CCND1: variants seen among roughly 807,000 people sequenced by gnomAD.
The protein encoded by CCND1 is cyclin D1, also known as G1/S-specific cyclin-D1.
A neutral mutation model predicts 26.1 loss-of-function variants in CCND1; 9 were observed. The observed-to-expected ratio is 0.35, with a 90% confidence interval of 0.21 to 0.60. CCND1 has a LOEUF of 0.60. Among genes scored for constraint, CCND1 ranks in the 20% least tolerant of loss-of-function variants. CCND1 has a pLI of 0.79. For missense variants in CCND1, 335 were observed against 392.9 expected, an observed-to-expected ratio of 0.85 and a Z score of 1.25; for synonymous variants, 194 against 166.1, an observed-to-expected ratio of 1.17 and a Z score of -1.29.
At chr11:69,643,757 C>T (rs1226199263) in intron 2 of CCND1, 75 bp from the exon 3 acceptor site, 2 of 1,459,350 alleles carry the variant, frequency 1.4e-6, no homozygotes, top group Middle Eastern at 2.1e-4. Flanking sequence ...TGGCCCGGCC[C>T]CCGTGCTGCC....
intron 4 of CCND1, among the ~76,000 whole-genome samples, chr11:69,650,788 G>A (rs984790000): frequency 3.2e-4 from 49 of 152,184 alleles, no homozygotes; most frequent in African/African-American, 1.2e-3. Flanking sequence ...CCAGGGAGCT[G>A]GCACGGCCAG....
chr11:69,648,602 A>C (rs953183285), intron 4 of CCND1, among the ~76,000 whole-genome samples: 5 of 152,260 alleles, frequency 3.3e-5, no homozygotes, highest in Non-Finnish European at 7.3e-5. Context: ...GGCCTCTTTG[A>C]GAGGCTGCTG....
In CCND1 at chr11:69,651,136, C is replaced by T. The variant is rs2120119626; in HGVS notation, c.742C>T (p.Gln248Ter). The T allele has an allele frequency of 1.2e-6, 2 of 1,613,330 alleles. No individual in the cohort carries two copies. Among genetic ancestry groups the T allele is most frequent in the Non-Finnish European group, 1.7e-6 (2 of 1,179,610 alleles). Reference sequence around the variant, plus strand: ...CTCTCAGGACTGCCTCCGGGCCTGCCAGGAGCAGATCGAAGCCCTGCTGGA... The same window carrying T: ...CTCTCAGGACTGCCTCCGGGCCTGCTAGGAGCAGATCGAAGCCCTGCTGGA... Reference protein sequence around the residue: ...KCDPDCLRACQEQIEALLESS... With the variant: ...KCDPDCLRAC The change falls in exon 5 of 5, where the codon CAG becomes TAG. Residue 248 changes from glutamine to a stop codon, truncating the protein, a stop_gained. Transcript: ENST00000227507. LOFTEE classifies it high-confidence loss of function.
In CCND1 at chr11:69,648,046, G is replaced by A. The variant is rs2120108983; in HGVS notation, c.627G>A (p.Val209=). 6.2e-7 allele frequency: 1 copy of A among 1,613,960 alleles called. No homozygotes were observed. Among genetic ancestry groups the A allele is most frequent in the East Asian group, 2.2e-5 (1 of 44,876 alleles). ...CCATGGTGGCAGCGGGGAGCGTGGT[G>A]GCCGCAGTGCAAGGCCTGAACCTGA... ...PPSMVAAGSV[V]AAVQGLNLRS... Residue 209 remains valine, a synonymous_variant, in exon 4 of 5, where the codon GTG becomes GTA. Transcript: ENST00000227507.
Position 69,648,133 on chromosome 11 carries a change from G to A in CCND1, c.714G>A (p.Lys238=), listed in dbSNP as rs760907398. The change falls in exon 4 of 5, where the codon AAG becomes AAA. Residue 238 remains lysine, a synonymous_variant. Transcript: ENST00000227507. ...CACGCTTCCTCTCCAGAGTGATCAA[G>A]TGTGACCCGGTAAGTGAGGGTGATG... ...RLTRFLSRVI[K]CDPDCLRACQ... 34 of 1,613,750 alleles carry A rather than the reference G, an allele frequency of 2.1e-5. No homozygotes were observed. The highest frequency in any genetic ancestry group is 2.8e-5 in the Non-Finnish European group (33 of 1,180,012).
chr11:69,648,077 C>T lies in CCND1; in HGVS notation c.658C>T (p.Pro220Ser), dbSNP rs1404273153. The T allele has an allele frequency of 1.2e-6, 2 of 1,613,848 alleles. No homozygotes were observed. The highest frequency in any genetic ancestry group is 2.7e-5 in the African/African-American group (2 of 74,934). ...AGTGCAAGGCCTGAACCTGAGGAGC[C>T]CCAACAACTTCCTGTCCTACTACCG... Reference protein sequence around the residue: ...AAVQGLNLRSPNNFLSYYRLT... With the variant: ...AAVQGLNLRSSNNFLSYYRLT... The change falls in exon 4 of 5, where the codon CCC becomes TCC. Residue 220 changes from proline (P) to serine (S), a missense_variant. Physicochemically the swap from Pro to Ser is moderately conservative, Grantham distance 74. Coordinates refer to ENST00000227507, the MANE Select transcript of CCND1 (RefSeq NM_053056.3).
intron 4 of CCND1, among the ~76,000 whole-genome samples, chr11:69,650,713 TCTGAAAAGG>T (rs753750567): frequency 3.3e-5 from 5 of 152,130 alleles, no homozygotes; most frequent in Non-Finnish European, 5.9e-5. Flanking sequence ...AGAGGTTAAG[TCTGAAAAGG>T]CTGAAAAGGC....
intron 4 of CCND1, among the ~76,000 whole-genome samples, chr11:69,649,279 G>C (rs1325877077): frequency 1.3e-5 from 2 of 152,222 alleles, no homozygotes; most frequent in African/African-American, 2.4e-5. Flanking sequence ...CACGCCCTGA[G>C]TGAAAACCGC....
At position 69,653,394 on chromosome 11, in the gene CCND1, T is replaced by C. The variant is rs1440979002; in HGVS notation, c.*2112T>C. 6.0e-6 allele frequency: 4 copies of C among 670,886 alleles called. No individual in the cohort carries two copies. Among genetic ancestry groups the C allele is most frequent in the South Asian group, 1.6e-5 (1 of 60,942 alleles). 41.6% of individuals were successfully genotyped at this position (670,886 alleles called of 1,614,324 possible). A position where few individuals can be genotyped will look rare whatever the true frequency, so the allele number is the denominator to read the frequency against. On this transcript the variant is annotated 3_prime_UTR_variant, in exon 5 of 5. Transcript: ENST00000227507. ...CTAGTTTTAGTTTTCTCTTAGAACA[T>C]TGTATTACAGATGCCTTTTTTGTAG...
chr11:69,641,182 A>G lies in CCND1; in HGVS notation c.-132A>G. On this transcript the variant is annotated 5_prime_UTR_variant, in exon 1 of 5. Transcript: ENST00000227507. ...GAGGGCTGTCGGCGCAGTAGCAGCGAGCAGCAGAGTCCGCACGCTCCGGCG... is the reference window on the plus strand; with the variant it reads ...GAGGGCTGTCGGCGCAGTAGCAGCGGGCAGCAGAGTCCGCACGCTCCGGCG... The G allele has an allele frequency of 2.3e-6, 2 of 869,990 alleles. No individual in the cohort carries two copies. The highest frequency in any genetic ancestry group is 3.7e-6 in the Non-Finnish European group (2 of 538,588). The allele number at this position is 869,990 out of a possible 1,614,324, so 53.9% of individuals were successfully genotyped here.
At chr11:69,647,039 C>G (rs1051408117) in intron 3 of CCND1, among the ~76,000 whole-genome samples, 5 of 152,180 alleles carry the variant, frequency 3.3e-5, no homozygotes, top group Admixed American at 6.5e-5. Flanking sequence ...GGTGAGGGCA[C>G]TGGTGCCCTC....
chr11:69,641,568 A>G (rs1855700461), intron 1 of CCND1, 57 bp downstream of exon 1: 3 of 1,549,114 alleles, frequency 1.9e-6, no homozygotes, highest in South Asian at 2.2e-5. Context: ...GCCCAGACCC[A>G]CGTTTCTTTG....
Position 69,651,232 on chromosome 11 carries a change from G to A in CCND1, c.838G>A (p.Glu280Lys), listed in dbSNP as rs2120120785. The change falls in exon 5 of 5, where the codon GAG (glutamate) becomes AAG (lysine). Residue 280 changes from glutamate to lysine, a missense_variant. Coordinates refer to ENST00000227507, the MANE Select transcript of CCND1 (RefSeq NM_053056.3). ...CGAGGAGGAGGAAGAGGAGGAGGAG[G>A]AGGTGGACCTGGCTTGCACACCCAC... is the stretch of plus-strand genomic sequence containing the variant. ...AAEEEEEEEE[E>K]VDLACTPTDV... 1.9e-6 allele frequency: 3 copies of A among 1,600,114 alleles called. No homozygotes were observed. The highest frequency in any genetic ancestry group is 2.6e-6 in the Non-Finnish European group (3 of 1,172,054).
chr11:69,641,270 C>T lies in CCND1; in HGVS notation c.-44C>T, dbSNP rs755884967. The stretch of plus-strand genomic sequence containing the variant: ...AGCGAGAGCCGAGCGCGGACCCAGC[C>T]AGGACCCACAGCCCTCCCCAGCTGC... On this transcript the variant is annotated 5_prime_UTR_variant, in exon 1 of 5. Coordinates refer to ENST00000227507, the MANE Select transcript of CCND1 (RefSeq NM_053056.3). The T allele has an allele frequency of 7.0e-6, 11 of 1,575,920 alleles. No individual in the cohort carries two copies. The African/African-American group carries it at 1.2e-4, about 17-fold the overall frequency.
intron 1 of CCND1, among the ~76,000 whole-genome samples, chr11:69,642,536 T>G (rs997221738): frequency 2.0e-5 from 3 of 152,064 alleles, no homozygotes; most frequent in Non-Finnish European, 4.4e-5. Context: ...ATTTTCAGGG[T>G]TTTTTTATGC....
Position 69,651,540 on chromosome 11 carries a change from T to C in CCND1, c.*258T>C. ...ATAGTATTTGCATAACCCTGAGCGG[T>C]GGGGGAGGAGGGTTGTGCTACAGAT... On this transcript the variant is annotated 3_prime_UTR_variant, in exon 5 of 5. Coordinates refer to ENST00000227507, the MANE Select transcript of CCND1 (RefSeq NM_053056.3). 2 of 365,320 alleles carry C rather than the reference T, an allele frequency of 5.5e-6. No individual in the cohort carries two copies. Among genetic ancestry groups the C allele is most frequent in the Non-Finnish European group, 4.9e-6 (1 of 205,522 alleles). The allele number at this position is 365,320 out of a possible 1,614,324, so 22.6% of individuals were successfully genotyped here.
At position 69,653,353 on chromosome 11, in the gene CCND1, C is replaced by T. The variant is rs774887918; in HGVS notation, c.*2071C>T. On this transcript the variant is annotated 3_prime_UTR_variant, in exon 5 of 5. Coordinates refer to ENST00000227507, the MANE Select transcript of CCND1 (RefSeq NM_053056.3). ...GGATCAGTTTTTTGTTTTACAATGTCATATACTGCCATGTACTAGTTTTAG... is the reference window on the plus strand; with the variant it reads ...GGATCAGTTTTTTGTTTTACAATGTTATATACTGCCATGTACTAGTTTTAG... The T allele has an allele frequency of 1.7e-5, 12 of 701,546 alleles. No individual in the cohort carries two copies. The East Asian group carries it at 2.7e-4, about 16-fold the overall frequency. 43.5% of individuals were successfully genotyped at this position (701,546 alleles called of 1,614,324 possible). A position where few individuals can be genotyped will look rare whatever the true frequency, so the allele number is the denominator to read the frequency against.
chr11:69,651,568 T>C lies in CCND1; in HGVS notation c.*286T>C. On this transcript the variant is annotated 3_prime_UTR_variant, in exon 5 of 5. Coordinates refer to ENST00000227507, the MANE Select transcript of CCND1 (RefSeq NM_053056.3). The stretch of plus-strand genomic sequence containing the variant: ...GGGAGGAGGGTTGTGCTACAGATGA[T>C]AGAGGATTTTATACCCCAATAATCA... The C allele has an allele frequency of 3.0e-6, 1 of 329,244 alleles. No homozygotes were observed. The highest frequency in any genetic ancestry group is 4.5e-5 in the East Asian group (1 of 22,200). The allele number at this position is 329,244 out of a possible 1,614,324, so 20.4% of individuals were successfully genotyped here. A position where few individuals can be genotyped will look rare whatever the true frequency, so the allele number is the denominator to read the frequency against.
chr11:69,643,517 G>T (rs553152942), intron 2 of CCND1, among the ~76,000 whole-genome samples: 1 of 152,252 alleles, frequency 6.6e-6, no homozygotes, highest in African/African-American at 2.4e-5. Flanking sequence ...CCCTCCAGCG[G>T]CTGCACGAGG....
Sources: gnomAD v4.1 joint callset for allele counts (sites outside exome capture counted in the v4.1 genomes callset) on GRCh38, gnomAD v4.1.1 for gene constraint, MANE v1.5 for transcripts, NCBI Gene and HGNC (gene_info 2026-07-23, HGNC 2026-07-21) for gene names.